Variants in PDE1C observed in about 807,000 individuals in gnomAD.
PDE1C encodes dual specificity calcium/calmodulin-dependent 3',5'-cyclic nucleotide phosphodiesterase 1C.
PDE1C carries 62 observed loss-of-function variants against 93.1 expected under a neutral mutation model. The ratio of observed to expected loss-of-function variants is 0.67; its 90% CI spans 0.54 to 0.82. The LOEUF (loss-of-function observed/expected upper bound fraction) is 0.82, where lower values mean the gene tolerates loss of function less well. Ranked by LOEUF, PDE1C falls within the 40% of genes least tolerant of loss-of-function variation. The pLI, the probability that PDE1C is intolerant of heterozygous loss-of-function variation, is 0.00. For synonymous variants in PDE1C, 325 were observed against 310.1 expected (o/e 1.05, Z -0.50); for missense variants, 742 against 884.6 (o/e 0.84, Z 2.04).
chr7:31,691,428 A>G, the PDE1C span, among the ~76,000 whole-genome samples: 2 of 152,228 alleles, frequency 1.3e-5, no homozygotes, highest in African/African-American at 2.4e-5. Context: ...CACTCTTGCT[A>G]TAGTAGGACA....
At chr7:32,106,392 A>G (rs1798312985) in intron 3 of PDE1C, among the ~76,000 whole-genome samples, 1 of 152,192 alleles carries the variant, frequency 6.6e-6, no homozygotes, top group Admixed American at 6.5e-5. Context: ...GCAGTCAGGA[A>G]ACGCCAGACA....
At chr7:32,427,315 C>G (rs956770718) in intron 1 of PDE1C, among the ~76,000 whole-genome samples, 2 of 152,120 alleles carry the variant, frequency 1.3e-5, no homozygotes, top group Non-Finnish European at 2.9e-5. Flanking sequence ...TGCCCAAGAT[C>G]GCAATGAAAG....
intron 1 of PDE1C, among the ~76,000 whole-genome samples, chr7:32,380,774 C>T (rs986625325): frequency 6.6e-6 from 1 of 152,142 alleles, no homozygotes; most frequent in Non-Finnish European, 1.5e-5. Context: ...TCACTGGCCA[C>T]TCCTTCTCAG....
chr7:31,992,476 T>C (rs1452672195), intron 2 of PDE1C, among the ~76,000 whole-genome samples: 12 of 152,154 alleles, frequency 7.9e-5, no homozygotes, highest in Admixed American at 5.2e-4. Flanking sequence ...AAAGGCTTTG[T>C]TGGAGGGCAG....
At chr7:32,120,643 G>A (rs575244136) in intron 3 of PDE1C, among the ~76,000 whole-genome samples, 10 of 152,134 alleles carry the variant, frequency 6.6e-5, no homozygotes, top group East Asian at 1.9e-4. Context: ...CTCCAGAAGC[G>A]CAACCTGACC....
intron 10 of PDE1C, 41 bp from the exon 11 acceptor site, chr7:31,837,341 T>C: frequency 6.5e-7 from 1 of 1,527,876 alleles, no homozygotes; most frequent in Non-Finnish European, 8.8e-7. Flanking sequence ...AACCACACTC[T>C]TCAGAACCTC....
At chr7:31,702,209 T>TTA in the PDE1C span, among the ~76,000 whole-genome samples, 21,505 of 148,060 alleles carry the variant, frequency 0.15, 1,608 homozygotes, top group East Asian at 0.24. Flanking sequence ...CCTTATTTAT[T>TTA]TTTTTTTTTG....
chr7:32,247,286 T>C (rs748765384), intron 1 of PDE1C, among the ~76,000 whole-genome samples: 7 of 122,038 alleles, frequency 5.7e-5, no homozygotes, highest in Non-Finnish European at 1.1e-4. Flanking sequence ...TAGGGCTTCT[T>C]GGCCAAACTC....
intron 2 of PDE1C, among the ~76,000 whole-genome samples, chr7:32,027,230 G>A (rs1191407581): frequency 2.0e-5 from 3 of 152,114 alleles, no homozygotes; most frequent in African/African-American, 7.2e-5. Context: ...CCTGGTGGGC[G>A]ATGCTGACAG....
intron 16 of PDE1C, among the ~76,000 whole-genome samples, chr7:31,778,736 G>T (rs538310189): frequency 6.6e-6 from 1 of 152,082 alleles, no homozygotes; most frequent in South Asian, 2.1e-4. Context: ...GCCATATTAC[G>T]TAGGCACCGT....
intron 1 of PDE1C, among the ~76,000 whole-genome samples, chr7:32,378,744 T>C (rs1400090635): frequency 6.6e-6 from 1 of 152,198 alleles, no homozygotes; most frequent in East Asian, 1.9e-4. Context: ...ATCCCTGTGA[T>C]GGTACCCCAA....
rs34055758 is a variant in PDE1C at position 31,772,045 on chromosome 7, C to CAAA, written c.1960+3616_1960+3618dup. Among the ~76,000 whole-genome samples, 265 of 116,442 alleles carry CAAA rather than the reference C, an allele frequency of 2.3e-3. 3 individuals are homozygous for CAAA. The highest frequency in any genetic ancestry group is 7.0e-3 in the African/African-American group (219 of 31,078). The allele number at this position is 116,442 out of a possible 152,430, so 76.4% of individuals were successfully genotyped here. A position where few individuals can be genotyped will look rare whatever the true frequency, so the allele number is the denominator to read the frequency against. ...TGGGCGAAAGAGCGGGACTCCGTCT[C>CAAA]AAAAAAAAAAAAAAAAAGAAGATAT... On this transcript the variant is annotated intron_variant, in intron 17 of 17. Transcript: ENST00000396191.
the PDE1C span, among the ~76,000 whole-genome samples, chr7:31,648,948 A>G: frequency 6.6e-6 from 1 of 152,216 alleles, no homozygotes; most frequent in Non-Finnish European, 1.5e-5. Flanking sequence ...CGTATCTATA[A>G]CAGATGCCCT....
chr7:32,411,294 A>T (rs1376704093), intron 1 of PDE1C, among the ~76,000 whole-genome samples: 1 of 152,246 alleles, frequency 6.6e-6, no homozygotes, highest in East Asian at 1.9e-4. Flanking sequence ...AGGCGATTTC[A>T]TTATTGCATG....
chr7:31,799,510 A>G (rs1301326518), intron 16 of PDE1C, among the ~76,000 whole-genome samples: 1 of 151,700 alleles, frequency 6.6e-6, no homozygotes, highest in Non-Finnish European at 1.5e-5. Flanking sequence ...TTCCAAATTC[A>G]TTTATGTACT....
rs1794181099 is a variant in PDE1C, at chr7:31,752,352, C to T, written c.*1032G>A. 2 of 152,082 alleles carry T rather than the reference C, an allele frequency of 1.3e-5. No homozygotes were observed. Among genetic ancestry groups the T allele is most frequent in the African/African-American group, 4.8e-5 (2 of 41,422 alleles). The allele number at this position is 152,082 out of a possible 1,614,324, so 9.4% of individuals were successfully genotyped here. On this transcript the variant is annotated 3_prime_UTR_variant, in exon 18 of 18. Coordinates refer to ENST00000396191, the MANE Select transcript of PDE1C (RefSeq NM_001191057.4). ...CCATAAAAAGAGGTGAGTTATAAAA[C>T]TATGGATTCCACCAACAACTGTGAG...
the PDE1C span, among the ~76,000 whole-genome samples, chr7:31,635,597 A>G: frequency 6.6e-6 from 1 of 152,054 alleles, no homozygotes; most frequent in Admixed American, 6.6e-5. Flanking sequence ...GGAGGAAATT[A>G]CTCTTTCTAC....
At chr7:31,744,306 A>G in the PDE1C span, among the ~76,000 whole-genome samples, 1 of 152,150 alleles carries the variant, frequency 6.6e-6, no homozygotes, top group Non-Finnish European at 1.5e-5. Flanking sequence ...TGAGTTTTCA[A>G]GAAGCTAATC....
At chr7:32,389,226 G>GTTTGTT (rs1784707216) in intron 1 of PDE1C, among the ~76,000 whole-genome samples, 1 of 150,230 alleles carries the variant, frequency 6.7e-6, no homozygotes, top group Non-Finnish European at 1.5e-5. Context: ...TTGTTTGTTT[G>GTTTGTT]TTTGTTTGTT....
Sources: allele counts gnomAD v4.1 joint callset (sites outside exome capture counted in the v4.1 genomes callset), GRCh38; gene constraint gnomAD v4.1.1; transcripts MANE v1.5; gene names NCBI Gene and HGNC (gene_info 2026-07-23, HGNC 2026-07-21).